Variants in REXO5 observed in about 807,000 individuals in gnomAD.
The protein encoded by REXO5 is exonuclease NEF-sp.
In REXO5, 48 loss-of-function variants were observed where a neutral mutation model predicts 88.5. The ratio of observed to expected loss-of-function variants is 0.54; its 90% confidence interval spans 0.43 to 0.69. The LOEUF (loss-of-function observed/expected upper bound fraction) is 0.69, where lower values mean the gene tolerates loss of function less well. REXO5 is among the 30% of genes least tolerant of loss of function. The pLI is 0.00. For synonymous variants in REXO5, 311 were observed against 336.5 expected, an observed-to-expected ratio of 0.92 and a Z score of 0.83; for missense variants, 749 against 912.2, an observed-to-expected ratio of 0.82 and a Z score of 2.30.
intron 13 of REXO5, 82 bp from the exon 14 acceptor site, chr16:20,839,673 T>G: frequency 1.2e-6 from 1 of 848,790 alleles, no homozygotes; most frequent in Non-Finnish European, 1.8e-6. Flanking sequence ...ACAACTACTG[T>G]TTATATTATT....
chr16:20,844,020 C>T lies in REXO5; in HGVS notation c.1713C>T (p.Cys571=), dbSNP rs768920178. 1.9e-6 allele frequency: 3 copies of T among 1,586,242 alleles called. No homozygotes were observed. The highest frequency in any genetic ancestry group is 2.7e-5 in the African/African-American group (2 of 74,454). The change falls in exon 16 of 20, where the codon TGC becomes TGT. Residue 571 remains cysteine (C), a synonymous_variant. Transcript: ENST00000261377. ...SLDGILVDGI[C]IKVQRPVTEL... ...ATGGTATTCTGGTAGATGGTATCTGCATCAAGGTAGGGTGACAAGAGAAAG... is the reference window on the plus strand; with the variant it reads ...ATGGTATTCTGGTAGATGGTATCTGTATCAAGGTAGGGTGACAAGAGAAAG...
rs369937059 is a variant in REXO5, at chr16:20,814,924, C to T, written c.252-3C>T. 45 of 1,610,534 alleles carry T rather than the reference C, an allele frequency of 2.8e-5. No homozygotes were observed. The highest frequency in any genetic ancestry group is 3.7e-5 in the Non-Finnish European group (44 of 1,178,654). On this transcript the variant is annotated splice_region_variant and splice_polypyrimidine_tract_variant and intron_variant, in intron 3 of 19. Transcript: ENST00000261377. The stretch of plus-strand genomic sequence containing the variant: ...TAACTGTGTTGGTTTGATTTCTTGG[C>T]AGCTGGTGCCAGCTTTTTCATCAAA...
intron 8 of REXO5, among the ~76,000 whole-genome samples, chr16:20,826,501 T>A (rs1169824203): frequency 6.6e-6 from 1 of 152,216 alleles, no homozygotes; most frequent in Non-Finnish European, 1.5e-5. Flanking sequence ...TCGTGATGAC[T>A]TAGGGACAGA....
chr16:20,809,463 C>T (rs897954950), intron 2 of REXO5, among the ~76,000 whole-genome samples: 7 of 152,224 alleles, frequency 4.6e-5, no homozygotes. Flanking sequence ...GTTCCTTAGT[C>T]TTCCCTTGAT....
At position 20,828,508 on chromosome 16, in the gene REXO5, C is replaced by T. The variant is rs1462889969; in HGVS notation, c.1129C>T (p.Arg377Trp). ...TGCTAGAACAATCCTTGAATTGGCT[C>T]GGTATTTCCTTAAGCATGGCCCAAA... is the stretch of plus-strand genomic sequence containing the variant. ...EDARTILELA[R>W]YFLKHGPKKI... The change falls in exon 11 of 20, where the codon CGG becomes TGG. Residue 377 changes from arginine (R) to tryptophan (W), a missense_variant. Arg to Trp is a moderately radical substitution (Grantham distance 101). Coordinates refer to ENST00000261377, the MANE Select transcript of REXO5 (RefSeq NM_030941.3). 1.2e-6 allele frequency: 2 copies of T among 1,613,756 alleles called. No homozygotes were observed. The highest frequency in any genetic ancestry group is 1.7e-5 in the Admixed American group (1 of 59,990).
intron 18 of REXO5, 62 bp downstream of exon 18, chr16:20,845,303 C>A: frequency 7.0e-7 from 1 of 1,420,212 alleles, no homozygotes; most frequent in Non-Finnish European, 9.5e-7. Flanking sequence ...GACACTTAAT[C>A]CTTTAATCTT....
At chr16:20,826,188 T>C (rs908963671) in intron 8 of REXO5, among the ~76,000 whole-genome samples, 1 of 152,210 alleles carries the variant, frequency 6.6e-6, no homozygotes, top group Admixed American at 6.5e-5. Flanking sequence ...TTATCTTCCT[T>C]GTTCCAGAAT....
At chr16:20,835,487 T>TTCC (rs2081412802) in intron 13 of REXO5, among the ~76,000 whole-genome samples, 1 of 152,208 alleles carries the variant, frequency 6.6e-6, no homozygotes, top group Non-Finnish European at 1.5e-5. Context: ...TGGGCATCCT[T>TTCC]TCCTTGACCT....
At chr16:20,836,676 A>G (rs79165797) in intron 13 of REXO5, among the ~76,000 whole-genome samples, 1 of 152,224 alleles carries the variant, frequency 6.6e-6, no homozygotes, top group Non-Finnish European at 1.5e-5. Flanking sequence ...TATAGTAAGA[A>G]TATGTTTAGT....
intron 11 of REXO5, among the ~76,000 whole-genome samples, chr16:20,831,343 G>A (rs2081341788): frequency 6.6e-6 from 1 of 152,082 alleles, no homozygotes; most frequent in African/African-American, 2.4e-5. Context: ...GAAACCCCAG[G>A]ATTCTCAAAC....
At chr16:20,807,205 C>A in intron 2 of REXO5, 114 bp downstream of exon 2, 1 of 1,175,506 alleles carries the variant, frequency 8.5e-7, no homozygotes. Context: ...CTGGCCTCTC[C>A]GAACCTGATC....
intron 16 of REXO5, among the ~76,000 whole-genome samples, chr16:20,844,240 G>T (rs1172905179): frequency 6.6e-6 from 1 of 152,118 alleles, no homozygotes; most frequent in Non-Finnish European, 1.5e-5. Context: ...GGCTAGATTT[G>T]GGTCTTCCTT....
chr16:20,836,745 G>T (rs1015661632), intron 13 of REXO5, among the ~76,000 whole-genome samples: 2 of 152,236 alleles, frequency 1.3e-5, no homozygotes, highest in Admixed American at 6.5e-5. Context: ...CACCAGCAGT[G>T]AATGAGAGTT....
intron 5 of REXO5, among the ~76,000 whole-genome samples, chr16:20,820,511 TTTATATA>T (rs1429129379): frequency 1.5e-4 from 4 of 25,962 alleles, no homozygotes; most frequent in African/African-American, 5.8e-4. Flanking sequence ...GTTCTCTCTC[TTTATATA>T]TATATATATA....
At position 20,846,250 on chromosome 16, in the gene REXO5, A is replaced by T; in HGVS notation, c.2154A>T (p.Ala718=). Residue 718 remains alanine (A), a synonymous_variant, in exon 19 of 20, where the codon GCA becomes GCT. Coordinates refer to ENST00000261377, the MANE Select transcript of REXO5 (RefSeq NM_030941.3). ...TGAAACTGGACCACCCGAAGATAGC[A>T]GCCTGGCGCTGGAGCCGGAAGATTG... ...QTLKLDHPKI[A]AWRWSRKIGK... is the part of the protein sequence containing the mutation. 1 of 1,614,062 alleles carries T rather than the reference A, an allele frequency of 6.2e-7. No homozygotes were observed. Among genetic ancestry groups the T allele is most frequent in the East Asian group, 2.2e-5 (1 of 44,876 alleles).
chr16:20,819,748 T>A (rs1317221000), intron 5 of REXO5, among the ~76,000 whole-genome samples: 1 of 130,740 alleles, frequency 7.6e-6, no homozygotes, highest in African/African-American at 2.6e-5. Flanking sequence ...AGAGCGAAAC[T>A]CCGTCTCCAA....
At chr16:20,846,175 CGA>C in intron 18 of REXO5, 44 bp from the exon 19 acceptor site, 2 of 1,446,388 alleles carry the variant, frequency 1.4e-6, no homozygotes, top group Non-Finnish European at 1.9e-6. Context: ...CCAAAGGTAA[CGA>C]GAGAGTGTTC....
chr16:20,840,852 T>C (rs552092056), intron 15 of REXO5, among the ~76,000 whole-genome samples: 133 of 152,284 alleles, frequency 8.7e-4, no homozygotes, highest in African/African-American at 3.2e-3. Flanking sequence ...AGTTTTCATA[T>C]GTTGGCTCCC....
chr16:20,845,640 T>A (rs1401088825), intron 18 of REXO5, among the ~76,000 whole-genome samples: 1 of 152,170 alleles, frequency 6.6e-6, no homozygotes, highest in Non-Finnish European at 1.5e-5. Context: ...ATCTAAGACA[T>A]CTGAATGGAC....
Sources: allele counts gnomAD v4.1 joint callset (sites outside exome capture counted in the v4.1 genomes callset), GRCh38; gene constraint gnomAD v4.1.1; transcripts MANE v1.5; gene names NCBI Gene and HGNC (gene_info 2026-07-23, HGNC 2026-07-21).